NRG3: variants seen among roughly 807,000 people sequenced by gnomAD.
NRG3 encodes the protein pro-neuregulin-3, membrane-bound isoform.
In NRG3, 31 loss-of-function variants were observed where a neutral mutation model predicts 66.9. The ratio of observed to expected loss-of-function variants is 0.46; its 90% CI spans 0.35 to 0.63. NRG3 has a LOEUF of 0.63. Among genes scored for constraint, NRG3 ranks in the 20% least tolerant of loss-of-function variants. The probability of loss-of-function intolerance (pLI) is 0.00; values close to 1 mark genes in which losing one functional copy is unlikely to be tolerated. For synonymous variants in NRG3, 393 were observed against 359.4 expected (o/e 1.09, Z -1.06); for missense variants, 910 against 878.9 (o/e 1.04, Z -0.45).
At chr10:81,936,432 C>T (rs1847878175) in intron 1 of NRG3, among the ~76,000 whole-genome samples, 1 of 152,022 alleles carries the variant, frequency 6.6e-6, no homozygotes, top group South Asian at 2.1e-4. Context: ...GGTTACTAAG[C>T]ATGATCAGCT....
At chr10:82,642,404 A>C (rs778845120) in intron 2 of NRG3, among the ~76,000 whole-genome samples, 1 of 152,098 alleles carries the variant, frequency 6.6e-6, no homozygotes, top group Non-Finnish European at 1.5e-5. Context: ...CATCAATAAA[A>C]CAGAGTACAA....
chr10:82,662,688 C>T (rs1017886534), intron 2 of NRG3, among the ~76,000 whole-genome samples: 1 of 152,138 alleles, frequency 6.6e-6, no homozygotes, highest in African/African-American at 2.4e-5. Context: ...TTTAAGGCCC[C>T]CTCCACCTCT....
chr10:82,824,787 G>T (rs184206415), intron 3 of NRG3, among the ~76,000 whole-genome samples: 2 of 151,378 alleles, frequency 1.3e-5, no homozygotes, highest in Non-Finnish European at 2.9e-5. Flanking sequence ...CATGATAATG[G>T]TTCACTTCAG....
chr10:82,842,254 A>G (rs1191707637), intron 3 of NRG3, among the ~76,000 whole-genome samples: 2 of 152,172 alleles, frequency 1.3e-5, no homozygotes, highest in Non-Finnish European at 2.9e-5. Context: ...GAGTCTAACA[A>G]TTAAAAAATA....
chr10:82,785,761 T>C (rs1027114692), intron 3 of NRG3, among the ~76,000 whole-genome samples: 10 of 152,226 alleles, frequency 6.6e-5, no homozygotes, highest in African/African-American at 2.4e-4. Flanking sequence ...ATGGAATTTG[T>C]AATTAAAAAG....
chr10:82,440,102 A>G (rs1171011298), intron 2 of NRG3, among the ~76,000 whole-genome samples: 1 of 152,020 alleles, frequency 6.6e-6, no homozygotes, highest in Non-Finnish European at 1.5e-5. Flanking sequence ...ATGGCAGATT[A>G]TGTTTCCCAT....
At chr10:82,423,404 G>A (rs2089213545) in intron 2 of NRG3, among the ~76,000 whole-genome samples, 1 of 151,940 alleles carries the variant, frequency 6.6e-6, no homozygotes, top group African/African-American at 2.4e-5. Flanking sequence ...AATTTAGAAT[G>A]AGTTATATGT....
chr10:81,984,997 A>C (rs1442456954), intron 1 of NRG3, among the ~76,000 whole-genome samples: 1 of 152,236 alleles, frequency 6.6e-6, no homozygotes, highest in Non-Finnish European at 1.5e-5. Context: ...AGAAAACACA[A>C]AGGAAACACA....
intron 3 of NRG3, among the ~76,000 whole-genome samples, chr10:82,791,666 T>C (rs1304348150): frequency 6.6e-6 from 1 of 152,164 alleles, no homozygotes; most frequent in Non-Finnish European, 1.5e-5. Context: ...TGGGAATATG[T>C]AGAGATTTTC....
At chr10:82,877,532 C>A (rs1841937073) in intron 4 of NRG3, among the ~76,000 whole-genome samples, 1 of 145,062 alleles carries the variant, frequency 6.9e-6, no homozygotes, top group African/African-American at 2.6e-5. Context: ...TGCCACCACA[C>A]CCGGCTTTTT....
At chr10:82,857,564 C>T (rs925730222) in intron 3 of NRG3, among the ~76,000 whole-genome samples, 3 of 151,998 alleles carry the variant, frequency 2.0e-5, no homozygotes, top group African/African-American at 7.3e-5. Context: ...CAGATAGACT[C>T]CTGATTTAGT....
At chr10:81,993,036 T>C (rs969004809) in intron 1 of NRG3, among the ~76,000 whole-genome samples, 2 of 152,182 alleles carry the variant, frequency 1.3e-5, no homozygotes, top group African/African-American at 4.8e-5. Flanking sequence ...TGGAATAGTT[T>C]GGGAAATGTC....
chr10:81,992,608 C>G (rs2060784408), intron 1 of NRG3, among the ~76,000 whole-genome samples: 1 of 152,128 alleles, frequency 6.6e-6, no homozygotes, highest in African/African-American at 2.4e-5. Flanking sequence ...TCAGCAATAA[C>G]TGTTTTAGGT....
At position 82,594,873 on chromosome 10, in the gene NRG3, T is replaced by C. The variant is rs138312334; in HGVS notation, c.954-143704T>C. Among the ~76,000 whole-genome samples, 620 of 152,268 alleles carry C rather than the reference T, an allele frequency of 4.1e-3. 6 individuals are homozygous for C. The highest frequency in any genetic ancestry group is 0.013 in the African/African-American group (547 of 41,574). ...GCCTTTGGACCCTACCATGGTATCATGGTCATCGCCTCTCAAAAAAAAAAT... is the reference window on the plus strand; with the variant it reads ...GCCTTTGGACCCTACCATGGTATCACGGTCATCGCCTCTCAAAAAAAAAAT... On this transcript the variant is annotated intron_variant, in intron 2 of 8. Transcript: ENST00000372141.
intron 2 of NRG3, among the ~76,000 whole-genome samples, chr10:82,362,864 C>G (rs979760925): frequency 3.9e-5 from 6 of 151,904 alleles, no homozygotes; most frequent in Non-Finnish European, 5.9e-5. Context: ...TATGTTGACC[C>G]CTCTTTCTAT....
At chr10:81,948,528 T>TA (rs1350640882) in intron 1 of NRG3, among the ~76,000 whole-genome samples, 3 of 152,232 alleles carry the variant, frequency 2.0e-5, no homozygotes, top group African/African-American at 7.2e-5. Context: ...TTGTCTGCGT[T>TA]TAGCCCTTTC....
At chr10:82,294,805 G>A (rs1165236655) in intron 1 of NRG3, among the ~76,000 whole-genome samples, 3 of 152,060 alleles carry the variant, frequency 2.0e-5, no homozygotes, top group Non-Finnish European at 2.9e-5. Context: ...GCTGTTTCAT[G>A]TACTTGAGGA....
At chr10:82,692,633 G>A (rs999210673) in intron 2 of NRG3, among the ~76,000 whole-genome samples, 1 of 152,334 alleles carries the variant, frequency 6.6e-6, no homozygotes, top group Non-Finnish European at 1.5e-5. Flanking sequence ...CCCTGCATAA[G>A]GCGTGAATTC....
chr10:82,322,971 A>AT (rs2081655012), intron 1 of NRG3, among the ~76,000 whole-genome samples: 1 of 152,214 alleles, frequency 6.6e-6, no homozygotes, highest in Admixed American at 6.5e-5. Flanking sequence ...ACTGTTATTC[A>AT]GAGCCTTCTG....
Sources: allele counts gnomAD v4.1 joint callset (sites outside exome capture counted in the v4.1 genomes callset), GRCh38; gene constraint gnomAD v4.1.1; transcripts MANE v1.5; gene names NCBI Gene and HGNC (gene_info 2026-07-23, HGNC 2026-07-21).